ANO3: variants seen among roughly 807,000 people sequenced by gnomAD.
ANO3 encodes the protein anoctamin-3.
A neutral mutation model predicts 144.8 loss-of-function variants in ANO3; 99 were observed. That is an observed-to-expected ratio of 0.68 (90% CI 0.58 to 0.81). ANO3 has a LOEUF of 0.81. ANO3 is among the 30% of genes least tolerant of loss of function. The pLI, the probability that ANO3 is intolerant of heterozygous loss-of-function variation, is 0.00. For missense variants in ANO3, 905 were observed against 1,202.2 expected, an observed-to-expected ratio of 0.75 and a Z score of 3.66; for synonymous variants, 414 against 392.6, an observed-to-expected ratio of 1.05 and a Z score of -0.64.
At chr11:26,467,625 G>T (rs1420196914) in intron 4 of ANO3, among the ~76,000 whole-genome samples, 1 of 151,258 alleles carries the variant, frequency 6.6e-6, no homozygotes, top group Non-Finnish European at 1.5e-5. Flanking sequence ...TTCTTTTATG[G>T]CTGAATAGTA....
At chr11:26,658,322 A>T (rs61877279) in intron 26 of ANO3, among the ~76,000 whole-genome samples, 4,734 of 152,284 alleles carry the variant, frequency 0.031, 103 homozygotes, top group Non-Finnish European at 0.049. Context: ...TATTAAAATT[A>T]TACTAACTTG....
chr11:26,540,226 G>C (rs1027577632), intron 10 of ANO3, among the ~76,000 whole-genome samples: 2 of 152,062 alleles, frequency 1.3e-5, no homozygotes, highest in African/African-American at 4.8e-5. Context: ...ATACTACCAT[G>C]TTAAAAATCT....
intron 1 of ANO3, among the ~76,000 whole-genome samples, chr11:26,289,793 T>G (rs948657401): frequency 2.0e-5 from 3 of 148,754 alleles, no homozygotes; most frequent in African/African-American, 7.3e-5. Flanking sequence ...TGCCAGTATA[T>G]ATATATGTGT....
At chr11:26,500,298 T>G (rs1254788329) in intron 4 of ANO3, among the ~76,000 whole-genome samples, 3 of 151,818 alleles carry the variant, frequency 2.0e-5, no homozygotes, top group Non-Finnish European at 4.4e-5. Flanking sequence ...GATGCATTGT[T>G]TTTGTTTCTC....
At chr11:26,561,192 T>C in intron 14 of ANO3, 1 of 1,612,120 alleles carries the variant, frequency 6.2e-7, no homozygotes, top group South Asian at 1.1e-5. Context: ...AAAACTCACA[T>C]CATAAGGTTC....
chr11:26,209,406 G>A (rs567022609), intron 1 of ANO3, among the ~76,000 whole-genome samples: 48 of 152,242 alleles, frequency 3.2e-4, no homozygotes, highest in African/African-American at 1.1e-3. Flanking sequence ...ATGGACATTT[G>A]GGTTGGTTCC....
intron 17 of ANO3, among the ~76,000 whole-genome samples, chr11:26,608,476 G>A (rs557597642): frequency 6.8e-4 from 104 of 152,150 alleles, no homozygotes; most frequent in Non-Finnish European, 1.2e-3. Flanking sequence ...TTGGTGGAGG[G>A]GGTGTGCTTT....
chr11:26,240,464 C>T (rs769376061), intron 1 of ANO3, among the ~76,000 whole-genome samples: 1 of 152,128 alleles, frequency 6.6e-6, no homozygotes, highest in Non-Finnish European at 1.5e-5. Context: ...TTCAAAGACG[C>T]TGAGTATGTG....
chr11:26,410,326 G>A (rs1386062856), intron 1 of ANO3, among the ~76,000 whole-genome samples: 1 of 151,980 alleles, frequency 6.6e-6, no homozygotes, highest in Non-Finnish European at 1.5e-5. Context: ...AAATTGGGAT[G>A]CATGCCTGTA....
intron 6 of ANO3, among the ~76,000 whole-genome samples, chr11:26,517,837 T>TTGAG (rs1861918200): frequency 6.6e-6 from 1 of 152,062 alleles, no homozygotes; most frequent in African/African-American, 2.4e-5. Flanking sequence ...ATGTGAGGTA[T>TTGAG]TGAGCCTCAT....
intron 1 of ANO3, among the ~76,000 whole-genome samples, chr11:26,420,744 A>C (rs2169338): frequency 0.16 from 24,290 of 151,598 alleles, 2,134 homozygotes; most frequent in South Asian, 0.31. Context: ...AGCTTCATCA[A>C]CTCTTTATTG....
In ANO3 at chr11:26,634,282, G is replaced by C; in HGVS notation, c.1952G>C (p.Ser651Thr). 1 of 1,613,492 alleles carries C rather than the reference G, an allele frequency of 6.2e-7. No individual in the cohort carries two copies. The highest frequency in any genetic ancestry group is 1.3e-5 in the African/African-American group (1 of 74,970). ...MFLFQFVNLN[S>T]SIFYIAFFLG... ...CTCTTCCAGTTTGTCAATTTAAACA[G>C]TTCCATCTTCTATATCGCTTTCTTT... The change falls in exon 19 of 27, where the codon AGT (serine) becomes ACT (threonine). Residue 651 changes from serine (S) to threonine (T), a missense_variant. Ser to Thr is a moderately conservative substitution (Grantham distance 58). This residue lies in a region of ANO3 where 597 missense variants were observed against 865.1 expected (regional missense o/e 0.69). Coordinates refer to ENST00000256737, the MANE Select transcript of ANO3 (RefSeq NM_031418.4).
chr11:26,407,179 C>T (rs546167617), intron 1 of ANO3, among the ~76,000 whole-genome samples: 1 of 150,096 alleles, frequency 6.7e-6, no homozygotes, highest in South Asian at 2.1e-4. Context: ...ACAAAACAAT[C>T]ATTTCTAAAA....
At chr11:26,219,274 A>G (rs1262332191) in intron 1 of ANO3, among the ~76,000 whole-genome samples, 1 of 152,192 alleles carries the variant, frequency 6.6e-6, no homozygotes, top group African/African-American at 2.4e-5. Flanking sequence ...ACCCATGAGA[A>G]AAGGATATGG....
At chr11:26,641,161 G>T (rs1193403601) in intron 21 of ANO3, among the ~76,000 whole-genome samples, 2 of 152,000 alleles carry the variant, frequency 1.3e-5, no homozygotes, top group Non-Finnish European at 2.9e-5. Flanking sequence ...ATTGTACTTG[G>T]GCTAAGAAAA....
At chr11:26,276,560 A>C (rs982488317) in intron 1 of ANO3, among the ~76,000 whole-genome samples, 1 of 152,122 alleles carries the variant, frequency 6.6e-6, no homozygotes, top group African/African-American at 2.4e-5. Context: ...AACTTCCATA[A>C]AATGGATATT....
At chr11:26,623,887 C>T (rs886929239) in intron 17 of ANO3, among the ~76,000 whole-genome samples, 7 of 152,052 alleles carry the variant, frequency 4.6e-5, no homozygotes, top group African/African-American at 1.4e-4. Flanking sequence ...CCCGGTTTCA[C>T]GTCATTCTCC....
chr11:26,554,249 T>C (rs941204256), intron 13 of ANO3, among the ~76,000 whole-genome samples: 5 of 152,180 alleles, frequency 3.3e-5, no homozygotes, highest in Non-Finnish European at 5.9e-5. Context: ...ATTCATAATG[T>C]AGCATTTATC....
chr11:26,261,357 C>A (rs1470408433), intron 1 of ANO3, among the ~76,000 whole-genome samples: 1 of 152,118 alleles, frequency 6.6e-6, no homozygotes, highest in Non-Finnish European at 1.5e-5. Flanking sequence ...TGATCCTTAC[C>A]ATTCCAATGT....
Sources: allele counts gnomAD v4.1 joint callset (sites outside exome capture counted in the v4.1 genomes callset), GRCh38; gene constraint gnomAD v4.1.1; regional missense constraint gnomAD v4.1.1; transcripts MANE v1.5; gene names NCBI Gene and HGNC (gene_info 2026-07-23, HGNC 2026-07-21).